The following CADPS2 variants were observed in gnomAD, a reference collection of about 807,000 sequenced individuals.
CADPS2 encodes the protein calcium-dependent secretion activator 2.
A neutral mutation model predicts 172.5 loss-of-function variants in CADPS2; 93 were observed. The observed-to-expected ratio is 0.54, with a 90% confidence interval of 0.46 to 0.64. CADPS2 has a LOEUF of 0.64. Ranked by LOEUF, CADPS2 falls within the 30% of genes least tolerant of loss-of-function variation. The pLI is 0.00. For synonymous variants in CADPS2, 546 were observed against 555.2 expected (o/e 0.98, Z 0.23); for missense variants, 1,420 against 1,565.9 (o/e 0.91, Z 1.57).
chr7:122,369,188 G>GTCT (rs1280899138), intron 25 of CADPS2, among the ~76,000 whole-genome samples: 1 of 127,060 alleles, frequency 7.9e-6, no homozygotes, highest in East Asian at 2.3e-4. Flanking sequence ...CTGGAGTGCA[G>GTCT]TGGCGCAATC....
intron 14 of CADPS2, among the ~76,000 whole-genome samples, chr7:122,468,334 A>T (rs1053874217): frequency 6.6e-6 from 1 of 152,246 alleles, no homozygotes; most frequent in Non-Finnish European, 1.5e-5. Flanking sequence ...ATGTTTAAAC[A>T]AAAGTCTCTA....
chr7:122,627,436 C>A (rs1024278601), intron 4 of CADPS2, among the ~76,000 whole-genome samples: 3 of 152,146 alleles, frequency 2.0e-5, no homozygotes, highest in African/African-American at 7.2e-5. Context: ...TGCTTTCCAA[C>A]CCCATCAGCT....
intron 1 of CADPS2, among the ~76,000 whole-genome samples, chr7:122,797,033 C>T (rs538929417): frequency 6.6e-6 from 1 of 151,700 alleles, no homozygotes; most frequent in Admixed American, 6.6e-5. Context: ...CATTAAAAAG[C>T]AGGCAAACGA....
At chr7:122,810,254 G>C (rs999100345) in intron 1 of CADPS2, among the ~76,000 whole-genome samples, 10 of 152,046 alleles carry the variant, frequency 6.6e-5, no homozygotes, top group Admixed American at 5.9e-4. Flanking sequence ...AAGTGGGAAG[G>C]TAAGTAAGGA....
intron 1 of CADPS2, among the ~76,000 whole-genome samples, chr7:122,806,571 TAAC>T (rs1798841554): frequency 6.6e-6 from 1 of 152,230 alleles, no homozygotes; most frequent in South Asian, 2.1e-4. Context: ...TGCCATCTAT[TAAC>T]AACAACCCGA....
rs1391615745 is a variant in CADPS2, at chr7:122,615,173, T to C, written c.1223+8A>G. On this transcript the variant is annotated splice_region_variant and intron_variant, in intron 6 of 29. Transcript: ENST00000449022. ...ACAACAATAATACACTTTTTTCAACTGGCTTACTGTGGCCTTGAGGCTTCG... is the reference window on the plus strand; with the variant it reads ...ACAACAATAATACACTTTTTTCAACCGGCTTACTGTGGCCTTGAGGCTTCG... 2 of 1,480,072 alleles carry C rather than the reference T, an allele frequency of 1.4e-6. No homozygotes were observed. Among genetic ancestry groups the C allele is most frequent in the Admixed American group, 2.2e-5 (1 of 46,022 alleles). The allele number at this position is 1,480,072 out of a possible 1,614,324, so 91.7% of individuals were successfully genotyped here.
intron 6 of CADPS2, among the ~76,000 whole-genome samples, chr7:122,613,573 A>G (rs543683909): frequency 6.2e-4 from 95 of 152,210 alleles, no homozygotes; most frequent in African/African-American, 1.9e-3. Flanking sequence ...ATATAATTCT[A>G]TTTATACGAA....
chr7:122,855,404 T>C (rs1814906498), intron 1 of CADPS2, among the ~76,000 whole-genome samples: 1 of 152,190 alleles, frequency 6.6e-6, no homozygotes, highest in Non-Finnish European at 1.5e-5. Flanking sequence ...ATACTTCTAA[T>C]AATATAGTCT....
chr7:122,357,330 A>G (rs1489307235), intron 27 of CADPS2: 1 of 152,182 alleles, frequency 6.6e-6, no homozygotes, highest in African/African-American at 2.4e-5. Context: ...CTTATTTATA[A>G]GTTCCATTTC....
At chr7:122,610,556 G>A (rs560119276) in intron 6 of CADPS2, among the ~76,000 whole-genome samples, 9 of 152,186 alleles carry the variant, frequency 5.9e-5, no homozygotes, top group African/African-American at 2.2e-4. Context: ...GAGAGTGGGA[G>A]CAGGAATAGA....
At chr7:122,361,844 T>A (rs571202781) in intron 25 of CADPS2, among the ~76,000 whole-genome samples, 24 of 151,872 alleles carry the variant, frequency 1.6e-4, no homozygotes, top group Non-Finnish European at 3.4e-4. Context: ...GAGGCCAAGG[T>A]GGGCGGATCG....
chr7:122,583,079 C>T (rs7809992), intron 6 of CADPS2, among the ~76,000 whole-genome samples: 17,197 of 150,844 alleles, frequency 0.11, 1,274 homozygotes, highest in African/African-American at 0.2. Context: ...ACAATGAATG[C>T]GGAGGAAAAA....
chr7:122,788,716 C>A (rs1196655564), intron 1 of CADPS2, among the ~76,000 whole-genome samples: 4 of 152,150 alleles, frequency 2.6e-5, no homozygotes, highest in African/African-American at 4.8e-5. Flanking sequence ...TATGCCAAGA[C>A]TTAAATCTTG....
intron 17 of CADPS2, among the ~76,000 whole-genome samples, chr7:122,423,272 T>A (rs1004803310): frequency 1.3e-5 from 2 of 152,134 alleles, no homozygotes; most frequent in Non-Finnish European, 2.9e-5. Context: ...ATAGGCTTTC[T>A]TATTTCAAGA....
chr7:122,558,696 T>C (rs1018978188), intron 7 of CADPS2, among the ~76,000 whole-genome samples: 1 of 152,120 alleles, frequency 6.6e-6, no homozygotes, highest in Non-Finnish European at 1.5e-5. Flanking sequence ...AAATACACAT[T>C]TACACACAGA....
At chr7:122,734,389 A>AAAAAAAAAAAAAAAAAAG (rs2091980642) in intron 2 of CADPS2, among the ~76,000 whole-genome samples, 5 of 47,846 alleles carry the variant, frequency 1.0e-4, no homozygotes, top group Admixed American at 2.9e-4. Context: ...AAAAAAAAGA[A>AAAAAAAAAAAAAAAAAAG]AAAAAAAAAA....
intron 9 of CADPS2, among the ~76,000 whole-genome samples, chr7:122,506,788 A>C (rs1218850697): frequency 6.6e-6 from 1 of 152,086 alleles, no homozygotes; most frequent in Non-Finnish European, 1.5e-5. Context: ...AAAAATGAAT[A>C]AATCTTCAAG....
intron 8 of CADPS2, among the ~76,000 whole-genome samples, chr7:122,527,920 A>G (rs1586877576): frequency 1.3e-5 from 2 of 152,072 alleles, no homozygotes; most frequent in Non-Finnish European, 2.9e-5. Flanking sequence ...CAAACAGAGA[A>G]AGAGAGAGAA....
At chr7:122,578,961 G>A (rs1409465318) in intron 7 of CADPS2, among the ~76,000 whole-genome samples, 1 of 152,060 alleles carries the variant, frequency 6.6e-6, no homozygotes, top group African/African-American at 2.4e-5. Flanking sequence ...TAGGTCACAG[G>A]CTTATTTAAT....
Sources: allele counts gnomAD v4.1 joint callset (sites outside exome capture counted in the v4.1 genomes callset), GRCh38; gene constraint gnomAD v4.1.1; transcripts MANE v1.5; gene names NCBI Gene and HGNC (gene_info 2026-07-23, HGNC 2026-07-21).